Variants in CELF2 observed in about 807,000 individuals in gnomAD.
CELF2 encodes CUG triplet repeat RNA-binding protein 2.
A neutral mutation model predicts 62.6 loss-of-function variants in CELF2; 8 were observed. The observed-to-expected ratio is 0.13, with a 90% CI of 0.07 to 0.23. The LOEUF is 0.23. Ranked by LOEUF, CELF2 falls within the 10% of genes least tolerant of loss-of-function variation. CELF2 has a pLI of 1.00. For synonymous variants in CELF2, 258 were observed against 250.0 expected, an observed-to-expected ratio of 1.03 and a Z score of -0.30; for missense variants, 333 against 671.0, an observed-to-expected ratio of 0.50 and a Z score of 5.56.
At chr10:10,623,085 CAAAAAAAAAAAAAAAAAAAAA>C in the CELF2 span, among the ~76,000 whole-genome samples, 217 of 57,226 alleles carry the variant, frequency 3.8e-3, no homozygotes, top group African/African-American at 0.013. Context: ...GACTCCGTCT[CAAAAAAAAAAAAAAAAAAAAA>C]AAAAAAAAAA....
At chr10:10,634,726 A>G in the CELF2 span, among the ~76,000 whole-genome samples, 1 of 145,084 alleles carries the variant, frequency 6.9e-6, no homozygotes, top group Non-Finnish European at 1.5e-5. Flanking sequence ...CAGTGGTGTG[A>G]TCTCGGCTCA....
rs545637087 is a variant in CELF2, at chr10:10,997,078, C to T, written c.89+77079C>T. On this transcript the variant is annotated intron_variant, in intron 2 of 13. Coordinates refer to the CELF2 transcript ENST00000636488. The surrounding 1 kb of genome is among the most constrained non-coding windows in gnomAD (Gnocchi z 5.3). Reference sequence around the variant, plus strand: ...GCTAAAATCTGCTTTGGCCCTTCTCCTCTCTCTACAGCTGCTGCCTGGCAA... The same window carrying T: ...GCTAAAATCTGCTTTGGCCCTTCTCTTCTCTCTACAGCTGCTGCCTGGCAA... Among the ~76,000 whole-genome samples, 114 of 152,286 alleles carry T rather than the reference C, an allele frequency of 7.5e-4. No individual in the cohort carries two copies. Among genetic ancestry groups the T allele is most frequent in the Middle Eastern group, 3.4e-3 (1 of 294 alleles).
intron 1 of CELF2, among the ~76,000 whole-genome samples, chr10:10,870,738 C>T (rs1051232780): frequency 6.6e-6 from 1 of 152,158 alleles, no homozygotes; most frequent in Admixed American, 6.5e-5. Flanking sequence ...TTTAACCCAC[C>T]GCCCGCCCAG....
intron 1 of CELF2, among the ~76,000 whole-genome samples, chr10:11,094,569 C>G (rs569509275): frequency 6.6e-6 from 1 of 152,168 alleles, no homozygotes; most frequent in Non-Finnish European, 1.5e-5. Flanking sequence ...TTTTTCCTGA[C>G]AACAATTTCT....
In CELF2 at chr10:11,105,318, A is replaced by T. The variant is rs117399386; in HGVS notation, c.75-60168A>T. On this transcript the variant is annotated intron_variant, in intron 1 of 12. Coordinates refer to ENST00000633077, the MANE Select transcript of CELF2 (RefSeq NM_001326342.2). The stretch of plus-strand genomic sequence containing the variant: ...AGTTTGCTTCCTGTGCTTTAAATTC[A>T]TCAGTTTGTTTAGTTTCCTCATCCG... Among the ~76,000 whole-genome samples the T allele has an allele frequency of 9.9e-3, 1,510 of 152,292 alleles. 15 individuals are homozygous for T. The highest frequency in any genetic ancestry group is 0.022 in the Admixed American group (332 of 15,302).
At chr10:10,498,896 G>C in the CELF2 span, among the ~76,000 whole-genome samples, 1 of 152,088 alleles carries the variant, frequency 6.6e-6, no homozygotes, top group African/African-American at 2.4e-5. Context: ...TTGGAGACAG[G>C]AGAAAGGGGA....
chr10:10,837,614 G>A (rs775601355), intron 1 of CELF2, among the ~76,000 whole-genome samples: 14 of 152,186 alleles, frequency 9.2e-5, no homozygotes, highest in African/African-American at 2.2e-4. Flanking sequence ...GCATTTTCCC[G>A]ACACAAAATC....
intron 9 of CELF2, among the ~76,000 whole-genome samples, chr10:11,310,189 G>A (rs2094486950): frequency 6.6e-6 from 1 of 152,208 alleles, no homozygotes; most frequent in African/African-American, 2.4e-5. Context: ...TAGAGCTTCT[G>A]CCACAGAGTT....
At chr10:10,696,640 C>G in the CELF2 span, among the ~76,000 whole-genome samples, 1 of 151,948 alleles carries the variant, frequency 6.6e-6, no homozygotes, top group East Asian at 1.9e-4. Context: ...GACTGTTGTG[C>G]TAGCAACCAG....
At chr10:11,146,358 T>G (rs1210548236) in intron 1 of CELF2, among the ~76,000 whole-genome samples, 1 of 152,242 alleles carries the variant, frequency 6.6e-6, no homozygotes, top group African/African-American at 2.4e-5. Flanking sequence ...ACATATGGAA[T>G]ATATCTGTAT....
chr10:11,031,672 C>T (rs1399740930), intron 1 of CELF2, among the ~76,000 whole-genome samples: 1 of 152,226 alleles, frequency 6.6e-6, no homozygotes, highest in Admixed American at 6.5e-5. Context: ...GCTACTGATG[C>T]AAACATTATC....
At chr10:10,643,890 T>C in the CELF2 span, among the ~76,000 whole-genome samples, 3 of 152,248 alleles carry the variant, frequency 2.0e-5, no homozygotes, top group East Asian at 1.9e-4. Context: ...AGTTACAGTT[T>C]AGTGGGTTAT....
the CELF2 span, among the ~76,000 whole-genome samples, chr10:10,604,028 A>G: frequency 0.28 from 42,832 of 151,882 alleles, 6,399 homozygotes; most frequent in South Asian, 0.51. Context: ...AGCCAACAAC[A>G]ACAAAACCCA....
the CELF2 span, among the ~76,000 whole-genome samples, chr10:10,763,636 G>A: frequency 6.6e-6 from 1 of 152,182 alleles, no homozygotes; most frequent in Non-Finnish European, 1.5e-5. Flanking sequence ...CAATTGTGTG[G>A]TTATTCAAAC....
At chr10:10,835,895 G>C (rs370338908) in intron 1 of CELF2, among the ~76,000 whole-genome samples, 2 of 152,172 alleles carry the variant, frequency 1.3e-5, no homozygotes, top group African/African-American at 4.8e-5. Flanking sequence ...GGGCAGAATC[G>C]AGGCTGACTT....
In CELF2 at chr10:11,084,493, A is replaced by G. The variant is rs80076561; in HGVS notation, c.74+66330A>G. Reference sequence around the variant, plus strand: ...GGTGAATGTCATTTGGAAAGGCTGAAGATGATGTCTTAGAATTTCACTTGG... The same window carrying G: ...GGTGAATGTCATTTGGAAAGGCTGAGGATGATGTCTTAGAATTTCACTTGG... On this transcript the variant is annotated intron_variant, in intron 1 of 12. Coordinates refer to ENST00000633077, the MANE Select transcript of CELF2 (RefSeq NM_001326342.2). Among the ~76,000 whole-genome samples the G allele has an allele frequency of 6.9e-3, 1,053 of 152,320 alleles. 14 individuals carry two copies. Among genetic ancestry groups the G allele is most frequent in the African/African-American group, 0.023 (969 of 41,568 alleles).
At chr10:10,890,872 G>A (rs2062089019) in intron 1 of CELF2, among the ~76,000 whole-genome samples, 1 of 152,156 alleles carries the variant, frequency 6.6e-6, no homozygotes, top group Admixed American at 6.5e-5. Context: ...AAAATTAGCT[G>A]GGCGTGGTGG....
chr10:10,682,963 G>C, the CELF2 span, among the ~76,000 whole-genome samples: 1 of 152,108 alleles, frequency 6.6e-6, no homozygotes, highest in African/African-American at 2.4e-5. Context: ...TGACAACATG[G>C]ACCAGCAAGC....
At position 11,165,453 on chromosome 10, in the gene CELF2, C is replaced by G; in HGVS notation, c.75-33C>G. On this transcript the variant is annotated intron_variant, in intron 1 of 12. Coordinates refer to ENST00000633077, the MANE Select transcript of CELF2 (RefSeq NM_001326342.2). The surrounding 1 kb of genome is among the most constrained non-coding windows in gnomAD (Gnocchi z 7.4). ...TTCTTCCTGTCCCTCATCGTGCCGC[C>G]CTAACTCTGGCTCCCGGTTCCGTTT... The G allele has an allele frequency of 1.9e-6, 3 of 1,605,980 alleles. No individual in the cohort carries two copies. The highest frequency in any genetic ancestry group is 2.6e-6 in the Non-Finnish European group (3 of 1,175,408).
Sources: gnomAD v4.1 joint callset for allele counts (sites outside exome capture counted in the v4.1 genomes callset) on GRCh38, gnomAD v4.1.1 for gene constraint, Gnocchi (gnomAD v3.1) non-coding constraint, MANE v1.5 for transcripts, NCBI Gene and HGNC (gene_info 2026-07-23, HGNC 2026-07-21) for gene names.